OXSR1: variants seen among roughly 807,000 people sequenced by gnomAD.
OXSR1 encodes the protein oxidative stress responsive kinase 1, also known as serine/threonine-protein kinase OSR1.
In OXSR1, 24 loss-of-function variants were observed where a neutral mutation model predicts 79.8. That is an observed-to-expected ratio of 0.30 (90% CI 0.22 to 0.42). The LOEUF is 0.42. OXSR1 is among the 10% of genes least tolerant of loss of function. OXSR1 has a pLI of 1.00. For synonymous variants in OXSR1, 226 were observed against 209.2 expected, an observed-to-expected ratio of 1.08 and a Z score of -0.69; for missense variants, 430 against 618.4, an observed-to-expected ratio of 0.70 and a Z score of 3.23.
chr3:38,180,724 G>C (rs1318207370), intron 1 of OXSR1, among the ~76,000 whole-genome samples: 2 of 151,828 alleles, frequency 1.3e-5, no homozygotes, highest in African/African-American at 4.8e-5. Context: ...TGTAGAGACA[G>C]GGTTTTGCCA....
At chr3:38,201,485 C>T (rs986994760) in intron 4 of OXSR1, among the ~76,000 whole-genome samples, 4 of 151,816 alleles carry the variant, frequency 2.6e-5, no homozygotes, top group East Asian at 1.9e-4. Flanking sequence ...CTGAGGCGGG[C>T]GGATCATGAG....
Position 38,222,153 on chromosome 3 carries a change from G to C in OXSR1, c.600+466G>C, listed in dbSNP as rs192295019. 3.3e-5 allele frequency among the ~76,000 whole-genome samples: 5 copies of C among 152,294 alleles called. No individual in the cohort carries two copies. In the East Asian group the frequency reaches 7.7e-4, roughly 23 times the overall value. On this transcript the variant is annotated intron_variant, in intron 6 of 17. Transcript: ENST00000311806. Reference sequence around the variant, plus strand: ...TGTTGGTGAGGGAAGGATTCCCACTGTAAAGTTATGGGAATGGCTGAACAT... The same window carrying C: ...TGTTGGTGAGGGAAGGATTCCCACTCTAAAGTTATGGGAATGGCTGAACAT...
In OXSR1 at chr3:38,165,702, T is replaced by C; in HGVS notation, c.-175T>C. On this transcript the variant is annotated 5_prime_UTR_variant, in exon 1 of 18. Coordinates refer to ENST00000311806, the MANE Select transcript of OXSR1 (RefSeq NM_005109.3). ...GTCCGCCGGAGCTCTGAGCCCCCGC[T>C]GCTCTGCCGCGCGGTGACCCCGCGC... 1.8e-6 allele frequency: 1 copy of C among 567,062 alleles called. No homozygotes were observed. Among genetic ancestry groups the C allele is most frequent in the Non-Finnish European group, 3.1e-6 (1 of 325,710 alleles). 35.1% of individuals were successfully genotyped at this position (567,062 alleles called of 1,614,324 possible).
intron 5 of OXSR1, among the ~76,000 whole-genome samples, chr3:38,218,496 C>G (rs1702528578): frequency 6.6e-6 from 1 of 151,966 alleles, no homozygotes; most frequent in Non-Finnish European, 1.5e-5. Context: ...ATTCCTTTGC[C>G]CATTTTTAAA....
At chr3:38,200,267 T>C (rs776752253) in intron 4 of OXSR1, among the ~76,000 whole-genome samples, 47 of 152,298 alleles carry the variant, frequency 3.1e-4, no homozygotes, top group Non-Finnish European at 5.9e-4. Context: ...GAGAGCAGGC[T>C]TGGGGCTCTT....
chr3:38,224,709 A>G lies in OXSR1; in HGVS notation c.836+5A>G. 1 of 1,537,310 alleles carries G rather than the reference A, an allele frequency of 6.5e-7. No homozygotes were observed. Among genetic ancestry groups the G allele is most frequent in the East Asian group, 2.3e-5 (1 of 43,742 alleles). On this transcript the variant is annotated splice_donor_5th_base_variant and intron_variant, in intron 8 of 17. Transcript: ENST00000311806. ...TCAAAAAGATCCAGAAAAAAGGTAA[A>G]ATATGAGAAAAAGTCTACTTTTCTC...
At chr3:38,193,614 T>C (rs1170559308) in intron 3 of OXSR1, among the ~76,000 whole-genome samples, 1 of 126,258 alleles carries the variant, frequency 7.9e-6, no homozygotes, top group Non-Finnish European at 1.7e-5. Flanking sequence ...GCAGAACGAC[T>C]TTTTTTTTTT....
chr3:38,174,827 C>T (rs537989600), intron 1 of OXSR1, among the ~76,000 whole-genome samples: 6 of 152,224 alleles, frequency 3.9e-5, no homozygotes, highest in South Asian at 2.1e-4. Context: ...AGTTGCCATC[C>T]GCTCAGATGG....
chr3:38,245,573 A>G (rs542725022), intron 12 of OXSR1, among the ~76,000 whole-genome samples: 1 of 152,302 alleles, frequency 6.6e-6, no homozygotes, highest in East Asian at 1.9e-4. Context: ...GGGCAAAGGA[A>G]TGGAATAGAT....
intron 2 of OXSR1, among the ~76,000 whole-genome samples, 188 bp from the exon 3 acceptor site, chr3:38,190,543 T>C (rs1051469165): frequency 2.6e-5 from 4 of 151,890 alleles, no homozygotes; most frequent in Admixed American, 2.0e-4. Context: ...GTGAAGGAAA[T>C]TGAGTCAGAA....
chr3:38,211,043 A>G (rs545476132), intron 4 of OXSR1, among the ~76,000 whole-genome samples: 1 of 152,318 alleles, frequency 6.6e-6, no homozygotes, highest in Non-Finnish European at 1.5e-5. Context: ...ATAAACTTTC[A>G]TGGGACTATT....
At chr3:38,191,927 CT>C (rs1701991403) in intron 3 of OXSR1, among the ~76,000 whole-genome samples, 1 of 152,182 alleles carries the variant, frequency 6.6e-6, no homozygotes, top group Non-Finnish European at 1.5e-5. Flanking sequence ...CTATGAAGAA[CT>C]TTTCGTTATC....
intron 1 of OXSR1, among the ~76,000 whole-genome samples, chr3:38,170,477 A>AT (rs747210356): frequency 1.2e-3 from 178 of 149,338 alleles, no homozygotes; most frequent in Non-Finnish European, 2.1e-3. Context: ...CATTGTGAAG[A>AT]TTTTTTTTTC....
At chr3:38,201,254 T>C (rs1310977487) in intron 4 of OXSR1, among the ~76,000 whole-genome samples, 1 of 152,106 alleles carries the variant, frequency 6.6e-6, no homozygotes, top group African/African-American at 2.4e-5. Flanking sequence ...TTTTTTATCC[T>C]GAGCTTTTTA....
chr3:38,178,505 C>G (rs927210563), intron 1 of OXSR1, among the ~76,000 whole-genome samples: 1 of 150,718 alleles, frequency 6.6e-6, no homozygotes, highest in Non-Finnish European at 1.5e-5. Flanking sequence ...GTGGGGTGGT[C>G]TCGGCTCACT....
intron 3 of OXSR1, among the ~76,000 whole-genome samples, chr3:38,193,903 A>C (rs1198207636): frequency 6.6e-6 from 1 of 152,196 alleles, no homozygotes; most frequent in Non-Finnish European, 1.5e-5. Context: ...AAATATTAAA[A>C]ATTTTGCATT....
chr3:38,181,974 GC>G (rs1701795553), intron 1 of OXSR1, among the ~76,000 whole-genome samples: 1 of 151,984 alleles, frequency 6.6e-6, no homozygotes, highest in African/African-American at 2.4e-5. Context: ...TCTTGCCTCA[GC>G]CTCCTGATTA....
intron 4 of OXSR1, among the ~76,000 whole-genome samples, chr3:38,208,996 G>GTGCGCGCA (rs1225597291): frequency 3.3e-5 from 5 of 152,072 alleles, no homozygotes; most frequent in Non-Finnish European, 5.9e-5. Flanking sequence ...GCGCGCGCGC[G>GTGCGCGCA]TGCGCGCATG....
chr3:38,195,518 C>T (rs1702058731), intron 3 of OXSR1, among the ~76,000 whole-genome samples: 1 of 152,128 alleles, frequency 6.6e-6, no homozygotes, highest in Admixed American at 6.5e-5. Flanking sequence ...CCTTCTGAGG[C>T]TTAGGAAGAC....
Sources: gnomAD v4.1 joint callset for allele counts (sites outside exome capture counted in the v4.1 genomes callset) on GRCh38, gnomAD v4.1.1 for gene constraint, MANE v1.5 for transcripts, NCBI Gene and HGNC (gene_info 2026-07-23, HGNC 2026-07-21) for gene names.